ADAMTS19: variants seen among roughly 807,000 people sequenced by gnomAD.
ADAMTS19 encodes the protein A disintegrin and metalloproteinase with thrombospondin motifs 19.
ADAMTS19 carries 93 observed loss-of-function variants against 153.3 expected under a neutral mutation model. The ratio of observed to expected loss-of-function variants is 0.61; its 90% CI spans 0.51 to 0.72. ADAMTS19 has a LOEUF of 0.72. Among genes scored for constraint, ADAMTS19 ranks in the 30% least tolerant of loss-of-function variants. The pLI, the probability that ADAMTS19 is intolerant of heterozygous loss-of-function variation, is 0.00. For missense variants in ADAMTS19, 1,482 were observed against 1,552.1 expected, an observed-to-expected ratio of 0.95 and a Z score of 0.76; for synonymous variants, 600 against 556.6, an observed-to-expected ratio of 1.08 and a Z score of -1.10.
chr5:129,558,236 G>A (rs78373914), intron 7 of ADAMTS19, among the ~76,000 whole-genome samples: 3,603 of 151,876 alleles, frequency 0.024, 117 homozygotes, highest in African/African-American at 0.078. Context: ...AAAATTTTAG[G>A]CATTACAATA....
intron 22 of ADAMTS19, 138 bp from the exon 23 acceptor site, chr5:129,736,929 C>T: frequency 1.4e-6 from 1 of 714,776 alleles, no homozygotes; most frequent in Non-Finnish European, 2.0e-6. Flanking sequence ...GTATCTCTTT[C>T]TTGTTTAAAT....
intron 7 of ADAMTS19, among the ~76,000 whole-genome samples, chr5:129,571,945 G>T (rs1753926718): frequency 1.3e-5 from 2 of 151,720 alleles, no homozygotes; most frequent in Non-Finnish European, 3.0e-5. Flanking sequence ...TTAAAAAATT[G>T]AATATCAGTA....
At chr5:129,590,414 AAAC>A (rs1750065995) in intron 7 of ADAMTS19, among the ~76,000 whole-genome samples, 1 of 152,200 alleles carries the variant, frequency 6.6e-6, no homozygotes, top group Non-Finnish European at 1.5e-5. Context: ...TAGAATGCAT[AAAC>A]AACACTTTAA....
intron 21 of ADAMTS19, among the ~76,000 whole-genome samples, chr5:129,731,622 G>A (rs1288395409): frequency 6.6e-6 from 1 of 152,068 alleles, no homozygotes; most frequent in South Asian, 2.1e-4. Context: ...AGATAATGAG[G>A]ATTTGTGCAG....
Position 129,543,134 on chromosome 5 carries a change from C to T in ADAMTS19, c.1329-8730C>T, listed in dbSNP as rs187722736. Among the ~76,000 whole-genome samples, 42 of 151,582 alleles carry T rather than the reference C, an allele frequency of 2.8e-4. No homozygotes were observed. The East Asian group carries it at 7.2e-3, about 26-fold the overall frequency. On this transcript the variant is annotated intron_variant, in intron 6 of 22. Coordinates refer to ENST00000274487, the MANE Select transcript of ADAMTS19 (RefSeq NM_133638.6). ...GCATGATCTTGGCTCACCACAACCTCCGCCTCCCAGGTTCAAGTGATTCTC... is the reference window on the plus strand; with the variant it reads ...GCATGATCTTGGCTCACCACAACCTTCGCCTCCCAGGTTCAAGTGATTCTC...
intron 20 of ADAMTS19, 124 bp downstream of exon 20, chr5:129,701,716 G>A: frequency 1.0e-6 from 1 of 1,002,350 alleles, no homozygotes; most frequent in Non-Finnish European, 1.4e-6. Context: ...TATTAATTTT[G>A]TTGATGATTA....
chr5:129,602,038 G>A (rs1009136997), intron 8 of ADAMTS19, among the ~76,000 whole-genome samples: 9 of 152,334 alleles, frequency 5.9e-5, no homozygotes, highest in Admixed American at 2.0e-4. Flanking sequence ...TCTTTGGAAT[G>A]TGCAGATTTT....
In ADAMTS19 at chr5:129,694,873, G is replaced by A. The variant is rs2127148704; in HGVS notation, c.2954+18G>A. 1 of 1,541,274 alleles carries A rather than the reference G, an allele frequency of 6.5e-7. No homozygotes were observed. The highest frequency in any genetic ancestry group is 8.8e-7 in the Non-Finnish European group (1 of 1,142,014). On this transcript the variant is annotated intron_variant, in intron 19 of 22. Coordinates refer to ENST00000274487, the MANE Select transcript of ADAMTS19 (RefSeq NM_133638.6). The stretch of plus-strand genomic sequence containing the variant: ...CAAACAAGGTAACTCTATTCCAAGG[G>A]CCCTTAAAGCATTATTTGTCCATTA...
intron 11 of ADAMTS19, among the ~76,000 whole-genome samples, chr5:129,642,819 C>G (rs3884607): frequency 0.062 from 9,210 of 149,380 alleles, 408 homozygotes; most frequent in Non-Finnish European, 0.087. Context: ...AAAAACATAT[C>G]GATTTGAAAA....
chr5:129,696,146 C>T (rs1180982335), intron 19 of ADAMTS19, among the ~76,000 whole-genome samples: 2 of 152,120 alleles, frequency 1.3e-5, no homozygotes, highest in Admixed American at 1.3e-4. Flanking sequence ...TTACTAAAGC[C>T]CTCTAAATCT....
chr5:129,730,423 G>A (rs974718295), intron 21 of ADAMTS19, among the ~76,000 whole-genome samples: 2 of 152,126 alleles, frequency 1.3e-5, no homozygotes, highest in Non-Finnish European at 2.9e-5. Context: ...TATGTTATCT[G>A]TAGATTCATG....
In ADAMTS19 at chr5:129,738,451, G is replaced by A. The variant is rs1222409415; in HGVS notation, c.*1233G>A. On this transcript the variant is annotated 3_prime_UTR_variant, in exon 23 of 23. Transcript: ENST00000274487. ...GATGTTTATAGAGTGAACTGCCTTG[G>A]AAGATAGTATGTCTCTTGGGAGCAA... is the stretch of plus-strand genomic sequence containing the variant. The A allele has an allele frequency of 6.6e-6, 1 of 151,986 alleles. No individual in the cohort carries two copies. Among genetic ancestry groups the A allele is most frequent in the Non-Finnish European group, 1.5e-5 (1 of 67,976 alleles). 9.4% of individuals were successfully genotyped at this position (151,986 alleles called of 1,614,324 possible).
At chr5:129,699,339 C>T (rs1412069672) in intron 19 of ADAMTS19, among the ~76,000 whole-genome samples, 2 of 150,916 alleles carry the variant, frequency 1.3e-5, no homozygotes, top group Non-Finnish European at 2.9e-5. Flanking sequence ...AGGAGAACAG[C>T]TTGAACCCAG....
intron 2 of ADAMTS19, among the ~76,000 whole-genome samples, chr5:129,462,626 A>G (rs1278440929): frequency 6.6e-6 from 1 of 151,894 alleles, no homozygotes; most frequent in East Asian, 1.9e-4. Context: ...TGGGGGGGTC[A>G]AATATGCATA....
intron 22 of ADAMTS19, 40 bp from the exon 23 acceptor site, chr5:129,737,027 A>C (rs370528537): frequency 1.3e-6 from 2 of 1,505,558 alleles, no homozygotes; most frequent in Non-Finnish European, 1.8e-6. Context: ...GACATATATG[A>C]TATCTGCATG....
intron 16 of ADAMTS19, among the ~76,000 whole-genome samples, chr5:129,671,066 T>C (rs1754280344): frequency 6.6e-6 from 1 of 152,186 alleles, no homozygotes; most frequent in Non-Finnish European, 1.5e-5. Flanking sequence ...ACTAGTAATA[T>C]GTTACCATGT....
chr5:129,535,125 T>G (rs1468959580), intron 6 of ADAMTS19, among the ~76,000 whole-genome samples: 1 of 152,154 alleles, frequency 6.6e-6, no homozygotes, highest in African/African-American at 2.4e-5. Flanking sequence ...AGTCAAATTG[T>G]CCCTGTTTGC....
At chr5:129,581,110 G>A (rs561110717) in intron 7 of ADAMTS19, among the ~76,000 whole-genome samples, 2 of 152,192 alleles carry the variant, frequency 1.3e-5, no homozygotes, top group Non-Finnish European at 2.9e-5. Context: ...CTCAATTTCA[G>A]AACTTGCTAT....
intron 21 of ADAMTS19, among the ~76,000 whole-genome samples, chr5:129,706,823 A>G (rs1756178378): frequency 6.6e-6 from 1 of 152,216 alleles, no homozygotes; most frequent in African/African-American, 2.4e-5. Flanking sequence ...GTTAAAACCA[A>G]AGTTCACTAG....
Sources: allele counts gnomAD v4.1 joint callset (sites outside exome capture counted in the v4.1 genomes callset), GRCh38; gene constraint gnomAD v4.1.1; transcripts MANE v1.5; gene names NCBI Gene and HGNC (gene_info 2026-07-23, HGNC 2026-07-21).